The following CCDC181 variants were observed in gnomAD, a reference collection of about 807,000 sequenced individuals.
The protein encoded by CCDC181 is coiled-coil domain containing 181.
In CCDC181, 35 loss-of-function variants were observed where a neutral mutation model predicts 58.7. The ratio of observed to expected loss-of-function variants is 0.60; its 90% confidence interval spans 0.46 to 0.79. The LOEUF (loss-of-function observed/expected upper bound fraction) is 0.79, where lower values mean the gene tolerates loss of function less well. Among genes scored for constraint, CCDC181 ranks in the 30% least tolerant of loss-of-function variants. The pLI is 0.00. For synonymous variants in CCDC181, 183 were observed against 197.5 expected (o/e 0.93, Z 0.62); for missense variants, 517 against 583.9 (o/e 0.89, Z 1.18).
chr1:169,397,269 T>G lies in CCDC181; in HGVS notation c.1338A>C (p.Lys446Asn). The G allele has an allele frequency of 6.2e-7, 1 of 1,608,456 alleles. No individual in the cohort carries two copies. Among genetic ancestry groups the G allele is most frequent in the South Asian group, 1.1e-5 (1 of 90,180 alleles). Reference protein sequence around the residue: ...RKQEECLFFLKGTEGRERAFK... With the variant: ...RKQEECLFFLNGTEGRERAFK... ...AGGCCCTTTCCCGGCCTTCTGTTCC[T>G]TTAAGGAAGAATAAACATTCCTCTT... is the stretch of plus-strand genomic sequence containing the variant. Residue 446 changes from lysine to asparagine, a missense_variant, in exon 5 of 6, where the codon AAA becomes AAC. Transcript: ENST00000367806.
At chr1:169,437,660 G>T (rs1657093200) in intron 2 of CCDC181, among the ~76,000 whole-genome samples, 1 of 152,152 alleles carries the variant, frequency 6.6e-6, no homozygotes. Flanking sequence ...GCATAGTGGT[G>T]GTAGGTGTTG....
At chr1:169,402,112 G>C (rs1655387420) in intron 4 of CCDC181, among the ~76,000 whole-genome samples, 1 of 152,010 alleles carries the variant, frequency 6.6e-6, no homozygotes, top group African/African-American at 2.4e-5. Flanking sequence ...GAGAAAAAAG[G>C]GTAAAAAGAA....
intron 2 of CCDC181, among the ~76,000 whole-genome samples, chr1:169,452,078 G>A (rs910611033): frequency 4.1e-4 from 62 of 152,060 alleles, no homozygotes; most frequent in African/African-American, 1.0e-3. Flanking sequence ...GGGGCAGGGG[G>A]AAGACAGAGA....
intron 2 of CCDC181, among the ~76,000 whole-genome samples, chr1:169,435,851 T>C (rs1657043274): frequency 6.6e-6 from 1 of 152,204 alleles, no homozygotes; most frequent in Non-Finnish European, 1.5e-5. Context: ...AATGTATCAA[T>C]TTCAAATAAA....
chr1:169,407,451 A>G (rs1009503576), intron 4 of CCDC181, among the ~76,000 whole-genome samples: 14 of 152,202 alleles, frequency 9.2e-5, no homozygotes, highest in Non-Finnish European at 1.5e-4. Context: ...TATTCAGAGC[A>G]ATGCCTTAAA....
chr1:169,436,748 T>G (rs1657064884), intron 2 of CCDC181, among the ~76,000 whole-genome samples: 1 of 152,234 alleles, frequency 6.6e-6, no homozygotes, highest in South Asian at 2.1e-4. Flanking sequence ...AGAGCACTAT[T>G]AGTTTTCAAT....
intron 2 of CCDC181, 93 bp downstream of exon 2, chr1:169,424,718 G>A: frequency 2.9e-6 from 2 of 700,214 alleles, no homozygotes; most frequent in Non-Finnish European, 4.9e-6. Flanking sequence ...AAGAAATTTT[G>A]TGATGTTTAG....
chr1:169,427,919 A>G (rs1656787048), upstream of CCDC181, among the ~76,000 whole-genome samples: 1 of 152,196 alleles, frequency 6.6e-6, no homozygotes, highest in Non-Finnish European at 1.5e-5. Flanking sequence ...GTCAACTAGA[A>G]TTTTCTCAAA....
upstream of CCDC181, among the ~76,000 whole-genome samples, chr1:169,430,814 A>G (rs1405723856): frequency 2.0e-5 from 3 of 152,206 alleles, no homozygotes; most frequent in Non-Finnish European, 2.9e-5. Context: ...TCTTGGGTCC[A>G]AATACCCACT....
intron 2 of CCDC181, among the ~76,000 whole-genome samples, chr1:169,457,688 T>G (rs957035354): frequency 4.6e-5 from 7 of 152,208 alleles, no homozygotes; most frequent in Admixed American, 4.6e-4. Flanking sequence ...TATCTTTAAC[T>G]GTATTTAATC....
At chr1:169,410,195 C>G (rs914901892) in intron 4 of CCDC181, among the ~76,000 whole-genome samples, 1 of 136,092 alleles carries the variant, frequency 7.3e-6, no homozygotes. Flanking sequence ...GAACATTTAC[C>G]AAGCAAATGG....
chr1:169,438,040 T>A (rs1657104176), intron 2 of CCDC181, among the ~76,000 whole-genome samples: 2 of 152,106 alleles, frequency 1.3e-5, no homozygotes, highest in Admixed American at 6.5e-5. Flanking sequence ...GCAGCAAAGT[T>A]TGTACCTCAC....
chr1:169,430,611 G>A (rs1307143558), upstream of CCDC181, among the ~76,000 whole-genome samples: 1 of 151,958 alleles, frequency 6.6e-6, no homozygotes, highest in Non-Finnish European at 1.5e-5. Context: ...GTATACAGCA[G>A]TGCTACTGTT....
In CCDC181 at chr1:169,421,424, G is replaced by A. The variant is rs1186158832; in HGVS notation, c.1007C>T (p.Ser336Phe). The change falls in exon 3 of 6, where the codon TCC becomes TTC. Residue 336 changes from serine (S) to phenylalanine (F), a missense_variant. Physicochemically the swap from Ser to Phe is radical, Grantham distance 155 (BLOSUM62 -2). Transcript: ENST00000367806. ...TTTTTGTAGTTCTTTCTGTCGAGGG[G>A]AAAGACAGTATGTTGAAGTCACTGG... ...ISPVTSTYCL[S>F]PRQKELQKQL... The A allele has an allele frequency of 2.5e-6, 4 of 1,613,760 alleles. No homozygotes were observed. The South Asian group carries it at 4.4e-5, about 18-fold the overall frequency.
Position 169,457,272 on chromosome 1 carries a change from A to T in CCDC181, c.-24+2525T>A, listed in dbSNP as rs548693670. Among the ~76,000 whole-genome samples the T allele has an allele frequency of 3.3e-5, 5 of 152,216 alleles. No individual in the cohort carries two copies. The East Asian group carries it at 9.6e-4, about 29-fold the overall frequency. ...CTCTGATTCCTGTATCTGTGGATTC[A>T]TGTTTTTCGTCAGTTTTGCTAAATT... On this transcript the variant is annotated intron_variant, in intron 2 of 6. Coordinates refer to the CCDC181 transcript ENST00000545005.
intron 2 of CCDC181, among the ~76,000 whole-genome samples, chr1:169,438,690 G>T (rs567616414): frequency 1.3e-5 from 2 of 152,160 alleles, no homozygotes; most frequent in Admixed American, 6.5e-5. Context: ...ATCACCTCCA[G>T]ATGGTAATTC....
intron 4 of CCDC181, among the ~76,000 whole-genome samples, chr1:169,407,458 T>TA (rs551520345): frequency 3.5e-4 from 53 of 151,918 alleles, no homozygotes; most frequent in Non-Finnish European, 6.8e-4. Context: ...AGCAATGCCT[T>TA]AAAAAAAGCA....
intron 4 of CCDC181, among the ~76,000 whole-genome samples, chr1:169,406,832 A>G (rs551046671): frequency 1.3e-5 from 2 of 152,226 alleles, no homozygotes; most frequent in African/African-American, 2.4e-5. Flanking sequence ...ATAAAAAAAA[A>G]TAAACCAACA....
chr1:169,403,708 G>C (rs1303424255), intron 4 of CCDC181, among the ~76,000 whole-genome samples: 1 of 152,084 alleles, frequency 6.6e-6, no homozygotes, highest in Non-Finnish European at 1.5e-5. Flanking sequence ...AGAGAAAGCA[G>C]GAAAGATCTA....
Sources: gnomAD v4.1 joint callset for allele counts (sites outside exome capture counted in the v4.1 genomes callset) on GRCh38, gnomAD v4.1.1 for gene constraint, MANE v1.5 for transcripts, NCBI Gene and HGNC (gene_info 2026-07-23, HGNC 2026-07-21) for gene names.